RAB3GAP2: variants seen among roughly 807,000 people sequenced by gnomAD.
RAB3GAP2 encodes rab3 GTPase-activating protein non-catalytic subunit.
RAB3GAP2 carries 87 observed loss-of-function variants against 185.3 expected under a neutral mutation model. The ratio of observed to expected loss-of-function variants is 0.47; its 90% CI spans 0.39 to 0.56. The LOEUF (loss-of-function observed/expected upper bound fraction) is 0.56. RAB3GAP2 is among the 20% of genes least tolerant of loss of function. The pLI, the probability that RAB3GAP2 is intolerant of heterozygous loss-of-function variation, is 0.00. For synonymous variants in RAB3GAP2, 554 were observed against 576.1 expected, an observed-to-expected ratio of 0.96 and a Z score of 0.55; for missense variants, 1,492 against 1,638.2, an observed-to-expected ratio of 0.91 and a Z score of 1.54.
intron 1 of RAB3GAP2, among the ~76,000 whole-genome samples, chr1:220,246,015 C>G (rs1251831087): frequency 6.6e-6 from 1 of 152,116 alleles, no homozygotes; most frequent in Non-Finnish European, 1.5e-5. Context: ...AAAATTTTCG[C>G]AACCTACCCA....
chr1:220,148,416 A>AAAC lies in RAB3GAP2; in HGVS notation c.*2832_*2834dup, dbSNP rs1268299964. 11 of 152,226 alleles carry AAAC rather than the reference A, an allele frequency of 7.2e-5. No individual in the cohort carries two copies. Among genetic ancestry groups the AAAC allele is most frequent in the African/African-American group, 2.2e-4 (9 of 41,472 alleles). 9.4% of individuals were successfully genotyped at this position (152,226 alleles called of 1,614,324 possible). On this transcript the variant is annotated 3_prime_UTR_variant, in exon 35 of 35. Coordinates refer to ENST00000358951, the MANE Select transcript of RAB3GAP2 (RefSeq NM_012414.4). ...CATTACAATAGAGAAAGCATTTTAT[A>AAAC]AACAGTTCAGTATTGGATTAAAATC...
chr1:220,228,376 T>C lies in RAB3GAP2; in HGVS notation c.180+4423A>G, dbSNP rs555080743. 6.6e-4 allele frequency among the ~76,000 whole-genome samples: 100 copies of C among 152,344 alleles called. 4 individuals are homozygous for C. In the South Asian group the frequency reaches 0.02, roughly 31 times the overall value. On this transcript the variant is annotated intron_variant, in intron 2 of 34. Transcript: ENST00000358951. ...AGATGGTAGTAGAAATAAGAGTCTC[T>C]TACTTCAGCTGAGTAGATTTCTAAT...
chr1:220,193,452 C>T (rs1658663583), intron 12 of RAB3GAP2, 73 bp from the exon 13 acceptor site: 2 of 1,430,782 alleles, frequency 1.4e-6, no homozygotes, highest in African/African-American at 2.8e-5. Flanking sequence ...TAACGAAATG[C>T]ATAAATGAAA....
chr1:220,160,171 A>G (rs571767650), intron 28 of RAB3GAP2, among the ~76,000 whole-genome samples: 1 of 152,370 alleles, frequency 6.6e-6, no homozygotes, highest in South Asian at 2.1e-4. Context: ...TTATATTCCT[A>G]GCCCAGAAAA....
intron 1 of RAB3GAP2, among the ~76,000 whole-genome samples, chr1:220,252,274 G>T (rs184718379): frequency 6.6e-5 from 10 of 151,490 alleles, no homozygotes; most frequent in African/African-American, 2.2e-4. Flanking sequence ...AACTACAAAG[G>T]TTGCAGATAT....
At chr1:220,155,540 T>C (rs560425723) in intron 31 of RAB3GAP2, among the ~76,000 whole-genome samples, 1 of 152,336 alleles carries the variant, frequency 6.6e-6, no homozygotes, top group South Asian at 2.1e-4. Flanking sequence ...CCACTTATTA[T>C]TTACTACATT....
At chr1:220,266,957 C>T (rs1278324885) in intron 1 of RAB3GAP2, 6 of 1,601,964 alleles carry the variant, frequency 3.7e-6, no homozygotes, top group Non-Finnish European at 4.3e-6. Context: ...ACTAAAAATT[C>T]ACAGCAAAGA....
At chr1:220,231,812 A>G (rs1240288177) in intron 2 of RAB3GAP2, among the ~76,000 whole-genome samples, 3 of 152,228 alleles carry the variant, frequency 2.0e-5, no homozygotes, top group African/African-American at 7.2e-5. Context: ...CCATTAATGA[A>G]GAAACATGTT....
At chr1:220,169,721 T>G (rs1658139356) in intron 24 of RAB3GAP2, among the ~76,000 whole-genome samples, 1 of 152,224 alleles carries the variant, frequency 6.6e-6, no homozygotes, top group African/African-American at 2.4e-5. Context: ...CTTACTAGTC[T>G]CATGATCCCC....
chr1:220,213,786 T>G, intron 3 of RAB3GAP2, 70 bp downstream of exon 3: 1 of 1,505,218 alleles, frequency 6.6e-7, no homozygotes, highest in African/African-American at 1.4e-5. Context: ...TATATTCTTT[T>G]CACCTAATCC....
chr1:220,172,912 T>C (rs1197106517), intron 21 of RAB3GAP2, among the ~76,000 whole-genome samples, 170 bp from the exon 22 acceptor site: 1 of 152,214 alleles, frequency 6.6e-6, no homozygotes, highest in Non-Finnish European at 1.5e-5. Context: ...ATGAGGTACC[T>C]TGTCTACCTA....
intron 1 of RAB3GAP2, among the ~76,000 whole-genome samples, chr1:220,245,407 G>A (rs975332606): frequency 2.6e-5 from 4 of 152,186 alleles, no homozygotes; most frequent in Admixed American, 6.5e-5. Context: ...AAGTGGTGAC[G>A]GAAGCACCTG....
intron 24 of RAB3GAP2, among the ~76,000 whole-genome samples, chr1:220,168,138 G>A (rs933985541): frequency 6.6e-6 from 1 of 152,162 alleles, no homozygotes; most frequent in African/African-American, 2.4e-5. Flanking sequence ...TGTTGCTTAG[G>A]CTGGAGTGTA....
intron 1 of RAB3GAP2, among the ~76,000 whole-genome samples, chr1:220,241,084 C>T (rs1270345037): frequency 2.0e-5 from 3 of 151,994 alleles, no homozygotes; most frequent in East Asian, 3.9e-4. Flanking sequence ...GGGGTATTTC[C>T]ATTCAATGAA....
chr1:220,213,671 G>A (rs1659124488), intron 3 of RAB3GAP2, among the ~76,000 whole-genome samples, 185 bp downstream of exon 3: 1 of 125,206 alleles, frequency 8.0e-6, no homozygotes, highest in African/African-American at 3.0e-5. Flanking sequence ...AAAACAAACA[G>A]AATGGAAGGG....
chr1:220,263,220 T>G (rs535433348), intron 1 of RAB3GAP2, among the ~76,000 whole-genome samples: 39 of 152,258 alleles, frequency 2.6e-4, no homozygotes, highest in African/African-American at 9.4e-4. Context: ...GATACATGAT[T>G]TGCAAATATT....
At chr1:220,239,364 G>A (rs1659649474) in intron 1 of RAB3GAP2, among the ~76,000 whole-genome samples, 1 of 152,054 alleles carries the variant, frequency 6.6e-6, no homozygotes, top group Admixed American at 6.6e-5. Flanking sequence ...CCAAGTAGCT[G>A]GGACTACAGG....
At chr1:220,209,304 A>G (rs1171181615) in intron 7 of RAB3GAP2, among the ~76,000 whole-genome samples, 1 of 152,038 alleles carries the variant, frequency 6.6e-6, no homozygotes, top group Non-Finnish European at 1.5e-5. Context: ...ACAGTTTCTC[A>G]TTACTTTATA....
chr1:220,264,006 C>T (rs1660186615), intron 1 of RAB3GAP2, among the ~76,000 whole-genome samples: 1 of 151,712 alleles, frequency 6.6e-6, no homozygotes, highest in South Asian at 2.1e-4. Context: ...GGATTCTAAA[C>T]ACTATAGGGA....
Sources: gnomAD v4.1 joint callset for allele counts (sites outside exome capture counted in the v4.1 genomes callset) on GRCh38, gnomAD v4.1.1 for gene constraint, MANE v1.5 for transcripts, NCBI Gene and HGNC (gene_info 2026-07-23, HGNC 2026-07-21) for gene names.